The following CA10 variants were observed in gnomAD, a reference collection of about 807,000 sequenced individuals.
CA10 encodes carbonic anhydrase-related protein 10.
CA10 carries 14 observed loss-of-function variants against 44.2 expected under a neutral mutation model. That is an observed-to-expected ratio of 0.32 (90% CI 0.21 to 0.50). CA10 has a LOEUF of 0.50. Among genes scored for constraint, CA10 ranks in the 20% least tolerant of loss-of-function variants. The pLI, the probability that CA10 is intolerant of heterozygous loss-of-function variation, is 0.99. For synonymous variants in CA10, 159 were observed against 141.6 expected, an observed-to-expected ratio of 1.12 and a Z score of -0.87; for missense variants, 350 against 409.7, an observed-to-expected ratio of 0.85 and a Z score of 1.26.
intron 4 of CA10, among the ~76,000 whole-genome samples, chr17:51,676,847 G>A (rs372589623): frequency 1.3e-5 from 2 of 151,994 alleles, no homozygotes; most frequent in Admixed American, 6.6e-5. Flanking sequence ...ATAACCCAGG[G>A]TTATCTTAGT....
chr17:51,945,665 T>C (rs1323494109), intron 2 of CA10, among the ~76,000 whole-genome samples: 1 of 152,124 alleles, frequency 6.6e-6, no homozygotes, highest in Admixed American at 6.6e-5. Flanking sequence ...AACCACTTAG[T>C]AGAGCTAGCC....
intron 4 of CA10, among the ~76,000 whole-genome samples, chr17:51,745,384 A>G (rs929728878): frequency 4.6e-5 from 7 of 152,148 alleles, no homozygotes; most frequent in African/African-American, 1.7e-4. Flanking sequence ...TTCCCAGTTC[A>G]TTGTGATTTG....
At chr17:51,896,934 T>A (rs1199435474) in intron 3 of CA10, among the ~76,000 whole-genome samples, 4 of 151,616 alleles carry the variant, frequency 2.6e-5, no homozygotes, top group African/African-American at 7.3e-5. Context: ...ATTTTTTTTT[T>A]AATTTGTTTA....
Position 51,916,144 on chromosome 17 carries a change from A to AC in CA10, c.279+14845_279+14846insG, listed in dbSNP as rs386365006. ...TGTTGCATGCTACGCTGCTGGAAAC[A>AC]GTGTCATTGGCCAGAAGCTGGTTGC... On this transcript the variant is annotated intron_variant, in intron 3 of 8. Coordinates refer to ENST00000451037, the MANE Select transcript of CA10 (RefSeq NM_020178.5). 4.0e-5 allele frequency among the ~76,000 whole-genome samples: 6 copies of AC among 151,686 alleles called. No individual in the cohort carries two copies. In the East Asian group the frequency reaches 5.8e-4, roughly 15 times the overall value.
intron 2 of CA10, among the ~76,000 whole-genome samples, chr17:52,011,294 G>A (rs1290012687): frequency 1.3e-5 from 2 of 151,946 alleles, no homozygotes; most frequent in African/African-American, 4.8e-5. Context: ...ATAGCCCTAT[G>A]ATCAGACTTG....
chr17:51,928,193 T>C (rs1323144267), intron 3 of CA10, among the ~76,000 whole-genome samples: 1 of 152,150 alleles, frequency 6.6e-6, no homozygotes, highest in African/African-American at 2.4e-5. Context: ...ATGTCTTATG[T>C]AGATAGCCTG....
intron 2 of CA10, among the ~76,000 whole-genome samples, chr17:51,932,833 A>G (rs1168178256): frequency 6.6e-6 from 1 of 152,180 alleles, no homozygotes; most frequent in Non-Finnish European, 1.5e-5. Flanking sequence ...GCAAGACTAC[A>G]ATATTTAAGA....
chr17:52,136,219 T>C (rs1486982311), intron 1 of CA10, among the ~76,000 whole-genome samples: 1 of 152,196 alleles, frequency 6.6e-6, no homozygotes, highest in Non-Finnish European at 1.5e-5. Context: ...CTTTTCTAAA[T>C]GTGCCCTGTC....
At chr17:51,889,533 A>G (rs186428592) in intron 3 of CA10, among the ~76,000 whole-genome samples, 2 of 152,152 alleles carry the variant, frequency 1.3e-5, no homozygotes, top group African/African-American at 4.8e-5. Flanking sequence ...AAAATAAAAT[A>G]AAACCAAACC....
intron 3 of CA10, among the ~76,000 whole-genome samples, chr17:51,851,129 C>T (rs937351040): frequency 2.0e-5 from 3 of 152,194 alleles, no homozygotes; most frequent in Non-Finnish European, 4.4e-5. Flanking sequence ...CAGTTCCAAG[C>T]CTCAGCACTG....
chr17:51,997,569 T>G (rs752002379), intron 2 of CA10, among the ~76,000 whole-genome samples: 5 of 152,098 alleles, frequency 3.3e-5, no homozygotes, highest in Non-Finnish European at 7.4e-5. Flanking sequence ...AGGAAAAAAG[T>G]ACTTTGAAAT....
chr17:51,890,099 C>T (rs963668490), intron 3 of CA10, among the ~76,000 whole-genome samples: 23 of 152,334 alleles, frequency 1.5e-4, no homozygotes, highest in Middle Eastern at 3.4e-3. Context: ...TCTCTCCTGA[C>T]ATTCCATTAA....
intron 4 of CA10, among the ~76,000 whole-genome samples, chr17:51,734,483 T>G (rs755857449): frequency 3.3e-5 from 5 of 152,186 alleles, no homozygotes; most frequent in Admixed American, 6.5e-5. Context: ...ACTATAATAT[T>G]ACAGTTATAC....
At chr17:51,788,619 T>C (rs1486247163) in intron 3 of CA10, among the ~76,000 whole-genome samples, 2 of 152,186 alleles carry the variant, frequency 1.3e-5, no homozygotes, top group African/African-American at 2.4e-5. Flanking sequence ...TTATTATGTA[T>C]CAGCAAAAAT....
rs145113518 is a variant in CA10, at chr17:51,727,358, C to T, written c.465+20275G>A. ...TGTGGAGTAGGAGGGGTATCCCACACATTTTTAATGAACCCAGATTAATGA... is the reference window on the plus strand; with the variant it reads ...TGTGGAGTAGGAGGGGTATCCCACATATTTTTAATGAACCCAGATTAATGA... On this transcript the variant is annotated intron_variant, in intron 4 of 8. Coordinates refer to ENST00000451037, the MANE Select transcript of CA10 (RefSeq NM_020178.5). 2.3e-3 allele frequency among the ~76,000 whole-genome samples: 352 copies of T among 152,098 alleles called. 1 individual carries two copies. Among genetic ancestry groups the T allele is most frequent in the African/African-American group, 7.9e-3 (327 of 41,484 alleles).
chr17:52,092,000 C>A (rs777704491), intron 1 of CA10, among the ~76,000 whole-genome samples: 14 of 152,190 alleles, frequency 9.2e-5, no homozygotes, highest in Non-Finnish European at 1.8e-4. Flanking sequence ...ACTACACAAA[C>A]TTCTACATAC....
chr17:51,962,140 C>A (rs982370874), intron 2 of CA10, among the ~76,000 whole-genome samples: 1 of 152,254 alleles, frequency 6.6e-6, no homozygotes, highest in African/African-American at 2.4e-5. Flanking sequence ...CTGCCCCACC[C>A]TTTCTGTGCA....
chr17:51,776,414 A>T (rs114537861), intron 3 of CA10, among the ~76,000 whole-genome samples: 95 of 152,294 alleles, frequency 6.2e-4, no homozygotes, highest in African/African-American at 1.9e-3. Context: ...TATAGTAGCC[A>T]CATTAACAAA....
chr17:51,968,980 C>T (rs543438117), intron 2 of CA10, among the ~76,000 whole-genome samples: 10 of 152,016 alleles, frequency 6.6e-5, no homozygotes, highest in East Asian at 5.8e-4. Flanking sequence ...AAGCTGCCTT[C>T]GTCTAATAGA....
Sources: gnomAD v4.1 joint callset for allele counts (sites outside exome capture counted in the v4.1 genomes callset) on GRCh38, gnomAD v4.1.1 for gene constraint, MANE v1.5 for transcripts, NCBI Gene and HGNC (gene_info 2026-07-23, HGNC 2026-07-21) for gene names.